The following HERC1 variants were observed in gnomAD, a reference collection of about 807,000 sequenced individuals.
The protein encoded by HERC1 is HECT and RLD domain containing E3 ubiquitin protein ligase family member 1, also known as probable E3 ubiquitin-protein ligase HERC1.
Under a neutral mutation model 554.3 loss-of-function variants are expected in HERC1, and 160 were observed. The observed-to-expected ratio is 0.29, with a 90% confidence interval of 0.25 to 0.33. The LOEUF is 0.33. Ranked by LOEUF, HERC1 falls within the 10% of genes least tolerant of loss-of-function variation. The pLI, the probability that HERC1 is intolerant of heterozygous loss-of-function variation, is 1.00. For synonymous variants in HERC1, 2,175 were observed against 2,131.7 expected (o/e 1.02, Z -0.56); for missense variants, 4,919 against 5,918.5 (o/e 0.83, Z 5.54).
chr15:63,722,798 G>A (rs143331314), intron 19 of HERC1, among the ~76,000 whole-genome samples: 1 of 151,970 alleles, frequency 6.6e-6, no homozygotes, highest in Non-Finnish European at 1.5e-5. Context: ...CTTTACCATG[G>A]GCAAGTATGT....
intron 71 of HERC1, 149 bp from the exon 72 acceptor site, chr15:63,624,476 C>T (rs1307395304): frequency 1.7e-5 from 11 of 644,278 alleles, no homozygotes; most frequent in South Asian, 7.1e-5. Flanking sequence ...GTGGGCGGAT[C>T]GCTTGAGCCC....
chr15:63,769,060 G>T (rs2075870165), intron 2 of HERC1, among the ~76,000 whole-genome samples: 1 of 152,108 alleles, frequency 6.6e-6, no homozygotes, highest in Admixed American at 6.6e-5. Context: ...CAACAAAAAA[G>T]TCAGTATTTA....
chr15:63,666,520 G>A (rs372851744), intron 40 of HERC1, 48 bp from the exon 41 acceptor site: 19 of 1,220,348 alleles, frequency 1.6e-5, no homozygotes, highest in Admixed American at 4.2e-5. Context: ...ACTAGATACC[G>A]TGAGTAAAAA....
rs184811359 is a variant in HERC1, at chr15:63,737,495, C to T, written c.2521-2646G>A. Among the ~76,000 whole-genome samples, 479 of 48,514 alleles carry T rather than the reference C, an allele frequency of 9.9e-3. 40 individuals are homozygous for T. The highest frequency in any genetic ancestry group is 0.015 in the Middle Eastern group (1 of 68). 31.8% of individuals were successfully genotyped at this position (48,514 alleles called of 152,430 possible). On this transcript the variant is annotated intron_variant, in intron 12 of 77. Coordinates refer to ENST00000443617, the MANE Select transcript of HERC1 (RefSeq NM_003922.4). ...TCTTTTTTCCAGATATATATATATA[C>T]ATATATATATCTTTTTTCCAGATAT...
chr15:63,733,631 T>C (rs1332360758), intron 13 of HERC1, among the ~76,000 whole-genome samples: 2 of 152,048 alleles, frequency 1.3e-5, no homozygotes, highest in African/African-American at 4.8e-5. Flanking sequence ...GGCAGGTGGA[T>C]CCGCTTGAGT....
At chr15:63,611,498 C>G (rs12442486) in intron 77 of HERC1, among the ~76,000 whole-genome samples, 1 of 152,220 alleles carries the variant, frequency 6.6e-6, no homozygotes, top group African/African-American at 2.4e-5. Context: ...GCAGCCCTGC[C>G]TGCTCCACAA....
intron 37 of HERC1, among the ~76,000 whole-genome samples, chr15:63,676,841 G>T (rs1329926404): frequency 6.6e-6 from 1 of 152,156 alleles, no homozygotes; most frequent in Non-Finnish European, 1.5e-5. Flanking sequence ...GAATCACAAT[G>T]GGCAGCATAA....
In HERC1 at chr15:63,628,434, A is replaced by G. The variant is rs945879395; in HGVS notation, c.13105+243T>C. Among the ~76,000 whole-genome samples the G allele has an allele frequency of 5.9e-5, 9 of 152,362 alleles. No individual in the cohort carries two copies. The East Asian group carries it at 1.3e-3, about 23-fold the overall frequency. On this transcript the variant is annotated intron_variant, in intron 70 of 77. Coordinates refer to ENST00000443617, the MANE Select transcript of HERC1 (RefSeq NM_003922.4). The stretch of plus-strand genomic sequence containing the variant: ...GCTAAAATTATAAATTTTTGCTTGC[A>G]TAAGTAATATGTATTCTGCTTTTGG...
intron 6 of HERC1, 121 bp from the exon 7 acceptor site, chr15:63,754,769 T>G: frequency 2.0e-6 from 2 of 976,274 alleles, no homozygotes; most frequent in South Asian, 3.5e-5. Context: ...TTTAATGCAA[T>G]GCAATATGAA....
chr15:63,758,356 G>A lies in HERC1; in HGVS notation c.1040C>T (p.Ala347Val). The A allele has an allele frequency of 6.3e-7, 1 of 1,587,082 alleles. No homozygotes were observed. The highest frequency in any genetic ancestry group is 8.6e-7 in the Non-Finnish European group (1 of 1,158,374). The change falls in exon 4 of 78, where the codon GCT becomes GTT. Residue 347 changes from alanine to valine, a missense_variant. Around this residue, in one of 11 missense-constraint regions of HERC1, gnomAD observed 744 missense variants for 1,090.0 expected, o/e 0.68. Coordinates refer to ENST00000443617, the MANE Select transcript of HERC1 (RefSeq NM_003922.4). This position sits in a 1 kb window ranked among gnomAD's most constrained non-coding sequence, Gnocchi z 4.0. Reference protein sequence around the residue: ...LCLFEEVCRMASDYSRTCASP... With the variant: ...LCLFEEVCRMVSDYSRTCASP... ...AGCACATGTTCTCGAATAATCAGAA[G>A]CCATTCTGCAAACCTATTAAAAATT...
intron 1 of HERC1, among the ~76,000 whole-genome samples, chr15:63,809,059 T>C (rs1480523646): frequency 2.6e-5 from 4 of 152,046 alleles, no homozygotes; most frequent in African/African-American, 2.4e-5. Flanking sequence ...GCTCCTCAAA[T>C]AGTCACAGAA....
At chr15:63,779,412 A>G (rs2076213804) in intron 1 of HERC1, among the ~76,000 whole-genome samples, 1 of 152,226 alleles carries the variant, frequency 6.6e-6, no homozygotes, top group Non-Finnish European at 1.5e-5. Flanking sequence ...GCATTATTTT[A>G]AAACAAAATA....
chr15:63,666,683 G>A (rs2070659668), intron 40 of HERC1, among the ~76,000 whole-genome samples: 2 of 152,006 alleles, frequency 1.3e-5, no homozygotes, highest in African/African-American at 4.8e-5. Context: ...TTGTGTAGAG[G>A]TACTATAAGA....
chr15:63,663,993 C>T (rs1331365334), intron 43 of HERC1, among the ~76,000 whole-genome samples: 2 of 152,122 alleles, frequency 1.3e-5, no homozygotes, highest in Non-Finnish European at 2.9e-5. Flanking sequence ...ATTTTACATG[C>T]CCAGAACGTA....
At position 63,640,172 on chromosome 15, in the gene HERC1, C is replaced by G; in HGVS notation, c.11881G>C (p.Asp3961His). The part of the protein sequence containing the change: ...TVPDLEPVPE[D>H]ELVFLMDNSK... ...TTTACCATTAGAAATACAAGTTCAT[C>G]CTCTGGAACAGGTTCTAGATCTGGA... The change falls in exon 61 of 78, where the codon GAT becomes CAT. Residue 3961 changes from aspartate to histidine, a missense_variant. Physicochemically the swap from Asp to His is moderately conservative, Grantham distance 81 (BLOSUM62 -1). Coordinates refer to ENST00000443617, the MANE Select transcript of HERC1 (RefSeq NM_003922.4). 1 of 1,613,738 alleles carries G rather than the reference C, an allele frequency of 6.2e-7. No individual in the cohort carries two copies. Among genetic ancestry groups the G allele is most frequent in the African/African-American group, 1.3e-5 (1 of 74,992 alleles).
intron 24 of HERC1, 125 bp downstream of exon 24, chr15:63,712,650 T>TAAATTATTCAAAAAAAA: frequency 1.4e-6 from 1 of 710,678 alleles, no homozygotes; most frequent in Admixed American, 3.1e-5. Flanking sequence ...TTATTTCTCT[T>TAAATTATTCAAAAAAAA]AAAGTTATTT....
chr15:63,831,993 G>A (rs1371435297), intron 1 of HERC1, among the ~76,000 whole-genome samples: 2 of 152,124 alleles, frequency 1.3e-5, no homozygotes, highest in Admixed American at 6.5e-5. Context: ...CTTAGGGAAC[G>A]CAAAATTCAT....
At chr15:63,636,385 C>G (rs369735447) in intron 64 of HERC1, among the ~76,000 whole-genome samples, 26 of 151,814 alleles carry the variant, frequency 1.7e-4, no homozygotes, top group African/African-American at 5.3e-4. Flanking sequence ...ATTCTCTTGC[C>G]TCAGCCTCCT....
chr15:63,651,357 A>G lies in HERC1; in HGVS notation c.10442T>C (p.Leu3481Pro). 6.2e-7 allele frequency: 1 copy of G among 1,613,672 alleles called. No homozygotes were observed. The highest frequency in any genetic ancestry group is 8.5e-7 in the Non-Finnish European group (1 of 1,179,624). Residue 3481 changes from leucine to proline, a missense_variant, in exon 53 of 78, where the codon CTG becomes CCG. This residue lies in a region of HERC1 where 1,963 missense variants were observed against 2,228.6 expected (regional missense o/e 0.88). Coordinates refer to ENST00000443617, the MANE Select transcript of HERC1 (RefSeq NM_003922.4). ...GAAACTTGGATCACTGGGTGATCCC[A>G]GGCTTTCCTCAGCATCCCCTTCCCT... Reference protein sequence around the residue: ...NRLEGDAEESLGSPSDPSFSP... With the variant: ...NRLEGDAEESPGSPSDPSFSP...
Sources: gnomAD v4.1 joint callset for allele counts (sites outside exome capture counted in the v4.1 genomes callset) on GRCh38, gnomAD v4.1.1 for gene constraint, gnomAD v4.1.1 regional missense constraint, Gnocchi (gnomAD v3.1) non-coding constraint, MANE v1.5 for transcripts, NCBI Gene and HGNC (gene_info 2026-07-23, HGNC 2026-07-21) for gene names.